MAF: variants seen among roughly 807,000 people sequenced by gnomAD.
MAF encodes MAF bZIP transcription factor, also known as transcription factor Maf.
In MAF, 10 loss-of-function variants were observed where a neutral mutation model predicts 22.0. That is an observed-to-expected ratio of 0.45 (90% CI 0.28 to 0.77). The LOEUF is 0.77. Among genes scored for constraint, MAF ranks in the 30% least tolerant of loss-of-function variants. The pLI, the probability that MAF is intolerant of heterozygous loss-of-function variation, is 0.12. For synonymous variants in MAF, 337 were observed against 255.8 expected (o/e 1.32, Z -3.03); for missense variants, 544 against 548.4 (o/e 0.99, Z 0.08).
At chr16:79,342,273 G>A in the MAF span, among the ~76,000 whole-genome samples, 7 of 152,144 alleles carry the variant, frequency 4.6e-5, no homozygotes, top group Non-Finnish European at 1.0e-4. Context: ...TGCTCTACAA[G>A]TGCCCCTTGC....
chr16:79,383,981 T>G, the MAF span, among the ~76,000 whole-genome samples: 1 of 152,166 alleles, frequency 6.6e-6, no homozygotes, highest in Non-Finnish European at 1.5e-5. Context: ...CCAAAGGGCG[T>G]GGGTTGGCCC....
chr16:79,486,064 G>A, the MAF span, among the ~76,000 whole-genome samples: 94 of 152,292 alleles, frequency 6.2e-4, no homozygotes, highest in African/African-American at 2.1e-3. Flanking sequence ...AAGGTCAAAA[G>A]AGATAATAAA....
the MAF span, chr16:79,212,932 A>ATTGTTTCATTTCACCTTAAGATGTTTTG: frequency 6.6e-6 from 1 of 151,936 alleles, no homozygotes; most frequent in South Asian, 2.1e-4. Flanking sequence ...AAAAATGACT[A>ATTGTTTCATTTCACCTTAAGATGTTTTG]TTGTTTCATT....
chr16:79,279,204 C>T, the MAF span, among the ~76,000 whole-genome samples: 1 of 152,088 alleles, frequency 6.6e-6, no homozygotes. Context: ...CTTCCCTCTC[C>T]ACCCCCTCAT....
the MAF span, among the ~76,000 whole-genome samples, chr16:79,552,528 C>G: frequency 6.6e-6 from 1 of 152,218 alleles, no homozygotes; most frequent in Non-Finnish European, 1.5e-5. Context: ...TATTTTCCAT[C>G]TCTGGCTACT....
the MAF span, among the ~76,000 whole-genome samples, chr16:79,482,035 T>G: frequency 6.6e-6 from 1 of 152,094 alleles, no homozygotes; most frequent in Non-Finnish European, 1.5e-5. Flanking sequence ...GGTCATGGGA[T>G]GAGGCCTGCA....
the MAF span, among the ~76,000 whole-genome samples, chr16:79,214,084 TCTTCCTCA>T: frequency 6.6e-6 from 1 of 152,152 alleles, no homozygotes; most frequent in Non-Finnish European, 1.5e-5. Flanking sequence ...AGCATGCCTT[TCTTCCTCA>T]CTGATTTTTA....
rs374681006 is a variant in MAF at position 79,594,491 on chromosome 16, T to A, written c.1181A>T (p.His394Leu). 20 of 1,566,000 alleles carry A rather than the reference T, an allele frequency of 1.3e-5. No individual in the cohort carries two copies. Among genetic ancestry groups the A allele is most frequent in the Non-Finnish European group, 1.7e-5 (20 of 1,152,662 alleles). ...VGYATFWKPQHRVLTSVFTK is the reference protein window; with the variant it reads ...VGYATFWKPQLRVLTSVFTK Reference sequence around the variant, plus strand: ...TGTGAACACACTGGTAAGTACACGATGCTGGGGCTTCCAAAATGTGGCGTA... The same window carrying A: ...TGTGAACACACTGGTAAGTACACGAAGCTGGGGCTTCCAAAATGTGGCGTA... The change falls in exon 2 of 2, where the codon CAT (histidine) becomes CTT (leucine). Residue 394 changes from histidine to leucine, a missense_variant. By Grantham distance (99) the His-to-Leu change is moderately conservative. This residue lies in a region of MAF where 129 missense variants were observed against 113.6 expected (regional missense o/e 1.14). Transcript: ENST00000326043.
chr16:79,554,246 A>G, the MAF span, among the ~76,000 whole-genome samples: 1 of 152,178 alleles, frequency 6.6e-6, no homozygotes, highest in Non-Finnish European at 1.5e-5. Context: ...ACAGCCCAAG[A>G]GGTAGGAAGT....
At chr16:79,565,736 T>A in the MAF span, among the ~76,000 whole-genome samples, 1 of 152,206 alleles carries the variant, frequency 6.6e-6, no homozygotes, top group Non-Finnish European at 1.5e-5. Flanking sequence ...CTTCTTTCCT[T>A]TATAAATTAC....
At chr16:79,342,750 G>C in the MAF span, among the ~76,000 whole-genome samples, 2 of 152,140 alleles carry the variant, frequency 1.3e-5, no homozygotes, top group Non-Finnish European at 2.9e-5. Flanking sequence ...AATTCTGTGA[G>C]GTGGGTCACG....
the MAF span, among the ~76,000 whole-genome samples, chr16:79,285,337 G>T: frequency 6.6e-6 from 1 of 152,250 alleles, no homozygotes; most frequent in African/African-American, 2.4e-5. Flanking sequence ...TCCATTCTGG[G>T]CACTGTTTAG....
At chr16:79,225,574 T>C in the MAF span, among the ~76,000 whole-genome samples, 4 of 152,136 alleles carry the variant, frequency 2.6e-5, no homozygotes, top group African/African-American at 9.7e-5. Flanking sequence ...GAAACTATCA[T>C]CAGAGTGAAC....
At chr16:79,425,402 C>T in the MAF span, among the ~76,000 whole-genome samples, 5 of 152,142 alleles carry the variant, frequency 3.3e-5, no homozygotes, top group South Asian at 4.2e-4. Context: ...TGAAAACATC[C>T]GCAGAGATAA....
At chr16:79,283,966 T>TGAA in the MAF span, among the ~76,000 whole-genome samples, 1 of 18,498 alleles carries the variant, frequency 5.4e-5, no homozygotes, top group Non-Finnish European at 1.2e-4. Context: ...CACCTCCTCC[T>TGAA]CAAAAAAAAA....
chr16:79,572,255 A>G, the MAF span, among the ~76,000 whole-genome samples: 10 of 152,282 alleles, frequency 6.6e-5, no homozygotes, highest in Admixed American at 6.5e-4. Context: ...CCGTTTTTCA[A>G]AGAGGTGTGT....
At chr16:79,581,056 C>G, downstream of MAF, among the ~76,000 whole-genome samples, 1 of 152,178 alleles carries the variant, frequency 6.6e-6, no homozygotes, top group African/African-American at 2.4e-5. Context: ...TCTCTTCCAG[C>G]AGACTCACAC....
the MAF span, among the ~76,000 whole-genome samples, chr16:79,258,242 A>C: frequency 6.6e-6 from 1 of 152,162 alleles, no homozygotes; most frequent in African/African-American, 2.4e-5. Flanking sequence ...ACAGTCCGGA[A>C]GTGCATGCAG....
chr16:79,287,724 C>A, the MAF span, among the ~76,000 whole-genome samples: 1 of 152,198 alleles, frequency 6.6e-6, no homozygotes, highest in African/African-American at 2.4e-5. Context: ...CATTTATTCA[C>A]TCATTCATTC....
Sources: allele counts gnomAD v4.1 joint callset (sites outside exome capture counted in the v4.1 genomes callset), GRCh38; gene constraint gnomAD v4.1.1; regional missense constraint gnomAD v4.1.1; transcripts MANE v1.5; gene names NCBI Gene and HGNC (gene_info 2026-07-23, HGNC 2026-07-21).